SLC26A8: variants seen among roughly 807,000 people sequenced by gnomAD.
The protein encoded by SLC26A8 is solute carrier family 26 member 8.
A neutral mutation model predicts 105.0 loss-of-function variants in SLC26A8; 70 were observed. The ratio of observed to expected loss-of-function variants is 0.67; its 90% CI spans 0.55 to 0.81. The LOEUF is 0.81. Ranked by LOEUF, SLC26A8 falls within the 40% of genes least tolerant of loss-of-function variation. The pLI is 0.00. For synonymous variants in SLC26A8, 415 were observed against 438.3 expected, an observed-to-expected ratio of 0.95 and a Z score of 0.66; for missense variants, 998 against 1,181.8, an observed-to-expected ratio of 0.84 and a Z score of 2.28.
intron 16 of SLC26A8, among the ~76,000 whole-genome samples, chr6:35,958,683 GT>G (rs1486405544): frequency 3.3e-5 from 5 of 152,052 alleles, no homozygotes; most frequent in Non-Finnish European, 5.9e-5. Flanking sequence ...GATGCTCAGG[GT>G]TTTGCAAGCA....
intron 1 of SLC26A8, among the ~76,000 whole-genome samples, chr6:36,020,085 A>G (rs567342640): frequency 6.6e-6 from 1 of 152,362 alleles, no homozygotes; most frequent in African/African-American, 2.4e-5. Flanking sequence ...TCCAGCATAT[A>G]TGAAGAAGTC....
intron 7 of SLC26A8, chr6:35,989,927 C>CTTTTTTTTTTTTTTTTTTTTTTTTTT (rs869306115): frequency 3.5e-5 from 3 of 84,572 alleles, no homozygotes; most frequent in Non-Finnish European, 6.2e-5. Flanking sequence ...GTTTTCTTTT[C>CTTTTTTTTTTTTTTTTTTTTTTTTTT]TTTTTTTTTT....
At chr6:35,979,172 T>C (rs1440621793) in intron 8 of SLC26A8, among the ~76,000 whole-genome samples, 8 of 151,846 alleles carry the variant, frequency 5.3e-5, no homozygotes, top group Non-Finnish European at 8.8e-5. Flanking sequence ...TATTTTAATT[T>C]CTTATTTATA....
intron 17 of SLC26A8, among the ~76,000 whole-genome samples, chr6:35,952,661 A>G (rs1771919399): frequency 6.6e-6 from 1 of 152,182 alleles, no homozygotes; most frequent in African/African-American, 2.4e-5. Flanking sequence ...AAGTGCTGGA[A>G]AAGGAAAGTC....
intron 3 of SLC26A8, among the ~76,000 whole-genome samples, chr6:36,009,542 C>T (rs925867631): frequency 6.6e-6 from 1 of 152,066 alleles, no homozygotes; most frequent in African/African-American, 2.4e-5. Flanking sequence ...TTCATATATA[C>T]AACAATCTGG....
chr6:36,016,801 T>A (rs1183472127), intron 2 of SLC26A8, among the ~76,000 whole-genome samples: 16 of 152,116 alleles, frequency 1.1e-4, no homozygotes, highest in South Asian at 6.2e-4. Context: ...TATACAAACA[T>A]TAATTCAAAA....
intron 1 of SLC26A8, among the ~76,000 whole-genome samples, chr6:36,023,625 A>G (rs1762183369): frequency 6.6e-6 from 1 of 151,868 alleles, no homozygotes; most frequent in African/African-American, 2.4e-5. Context: ...CCCAAATAAT[A>G]TGAAATCTTG....
chr6:35,956,523 G>A (rs1772068000), intron 16 of SLC26A8, among the ~76,000 whole-genome samples: 1 of 151,952 alleles, frequency 6.6e-6, no homozygotes, highest in East Asian at 1.9e-4. Flanking sequence ...ATAGCTTAAG[G>A]ACAGTAACAA....
At chr6:36,005,575 T>C (rs1015051214) in intron 3 of SLC26A8, among the ~76,000 whole-genome samples, 1 of 152,238 alleles carries the variant, frequency 6.6e-6, no homozygotes, top group Admixed American at 6.5e-5. Context: ...TTGGCAAGAA[T>C]ACTACAGAAA....
chr6:35,948,166 C>A (rs910951502), intron 19 of SLC26A8, among the ~76,000 whole-genome samples: 2 of 152,162 alleles, frequency 1.3e-5, no homozygotes, highest in Non-Finnish European at 2.9e-5. Flanking sequence ...GGGGACCTGA[C>A]AAAAGATTCA....
intron 3 of SLC26A8, among the ~76,000 whole-genome samples, chr6:36,005,612 A>G (rs1311679822): frequency 6.6e-6 from 1 of 152,228 alleles, no homozygotes; most frequent in Non-Finnish European, 1.5e-5. Context: ...TCATTGTATC[A>G]TATCACAGGA....
rs550706838 is a variant in SLC26A8, at chr6:36,013,644, T to C, written c.189-1272A>G. On this transcript the variant is annotated intron_variant, in intron 2 of 19. Coordinates refer to ENST00000490799, the MANE Select transcript of SLC26A8 (RefSeq NM_052961.4). Reference sequence around the variant, plus strand: ...TTTTAGATCATCTAAAACAACAGAATCATCATTAATCAACCAAGAAAACCA... The same window carrying C: ...TTTTAGATCATCTAAAACAACAGAACCATCATTAATCAACCAAGAAAACCA... 2.0e-5 allele frequency among the ~76,000 whole-genome samples: 3 copies of C among 152,294 alleles called. No homozygotes were observed. In the South Asian group the frequency reaches 6.2e-4, roughly 32 times the overall value.
In SLC26A8 at chr6:35,960,909, AGC is replaced by A; in HGVS notation, c.1570_1571del (p.Ala524Ter). The A allele has an allele frequency of 6.2e-7, 1 of 1,614,192 alleles. No homozygotes were observed. Among genetic ancestry groups the A allele is most frequent in the East Asian group, 2.2e-5 (1 of 44,878 alleles). ...FFITTVRSHRAKILLLGQIPN... is the reference protein window; with the variant it reads ...FFITTVRSHRXKILLLGQIPN... ...GGATTTGACCCAGGAGAAGAATCTT[AGC>A]TCTGAAAGGAAATGCACTTGCCTTT... On this transcript the variant is annotated frameshift_variant and splice_region_variant, in exon 14 of 20. Coordinates refer to ENST00000490799, the MANE Select transcript of SLC26A8 (RefSeq NM_052961.4). LOFTEE classifies it high-confidence loss of function.
chr6:35,954,342 A>G (rs375633536), intron 17 of SLC26A8, among the ~76,000 whole-genome samples: 221 of 152,330 alleles, frequency 1.5e-3, no homozygotes, highest in African/African-American at 5.2e-3. Flanking sequence ...CTGGACAGCC[A>G]GCCCCAAGTT....
At chr6:36,022,767 C>T (rs1056238359) in intron 1 of SLC26A8, among the ~76,000 whole-genome samples, 16 of 151,806 alleles carry the variant, frequency 1.1e-4, no homozygotes, top group African/African-American at 3.9e-4. Flanking sequence ...GGAATTTCTC[C>T]AGCTCCATTA....
Position 35,977,216 on chromosome 6 carries a change from G to A in SLC26A8, c.1161C>T (p.Val387=). Residue 387 remains valine, a synonymous_variant, in exon 9 of 20, where the codon GTC becomes GTT. Coordinates refer to ENST00000490799, the MANE Select transcript of SLC26A8 (RefSeq NM_052961.4). ...KKIASLHNYS[V]NSNQDLIAIG... ...GTAGTCCTCTCACCTGGTTGGAATT[G>A]ACACTGTAATTGTGAAGACTGGCAA... is the stretch of plus-strand genomic sequence containing the variant. 6.2e-7 allele frequency: 1 copy of A among 1,613,812 alleles called. No homozygotes were observed. Among genetic ancestry groups the A allele is most frequent in the Non-Finnish European group, 8.5e-7 (1 of 1,179,902 alleles).
intron 1 of SLC26A8, among the ~76,000 whole-genome samples, chr6:36,020,758 A>G (rs1261128794): frequency 6.6e-6 from 1 of 152,248 alleles, no homozygotes; most frequent in Non-Finnish European, 1.5e-5. Context: ...TAAAAAAAGC[A>G]TAAACTCTAA....
chr6:35,977,176 G>A (rs1773070274), intron 9 of SLC26A8, 28 bp downstream of exon 9: 2 of 1,597,294 alleles, frequency 1.3e-6, no homozygotes, highest in Middle Eastern at 1.7e-4. Context: ...AAAGAGTTAA[G>A]GATCAGAGGA....
chr6:36,009,383 C>A (rs6906041), intron 3 of SLC26A8, among the ~76,000 whole-genome samples: 33,313 of 149,234 alleles, frequency 0.22, 4,768 homozygotes, highest in African/African-American at 0.41. Flanking sequence ...ACAACAACAA[C>A]AAACCTGCAC....
Sources: allele counts gnomAD v4.1 joint callset (sites outside exome capture counted in the v4.1 genomes callset), GRCh38; gene constraint gnomAD v4.1.1; transcripts MANE v1.5; gene names NCBI Gene and HGNC (gene_info 2026-07-23, HGNC 2026-07-21).